PTPRN2: variants seen among roughly 807,000 people sequenced by gnomAD.
The protein encoded by PTPRN2 is receptor-type tyrosine-protein phosphatase N2.
PTPRN2 carries 74 observed loss-of-function variants against 118.8 expected under a neutral mutation model. The ratio of observed to expected loss-of-function variants is 0.62; its 90% CI spans 0.52 to 0.76. PTPRN2 has a LOEUF of 0.76. PTPRN2 is among the 30% of genes least tolerant of loss of function. The pLI is 0.00. For missense variants in PTPRN2, 1,481 were observed against 1,394.4 expected, an observed-to-expected ratio of 1.06 and a Z score of -0.99; for synonymous variants, 641 against 608.0, an observed-to-expected ratio of 1.05 and a Z score of -0.80.
rs140234725 is a variant in PTPRN2 at position 158,541,680 on chromosome 7, T to C, written c.112+45878A>G. 1.3e-3 allele frequency: 1,766 copies of C among 1,308,268 alleles called. 6 individuals are homozygous for C. The highest frequency in any genetic ancestry group is 1.7e-3 in the Non-Finnish European group (1,692 of 1,000,908). 81.0% of individuals were successfully genotyped at this position (1,308,268 alleles called of 1,614,324 possible). A position where few individuals can be genotyped will look rare whatever the true frequency, so the allele number is the denominator to read the frequency against. On this transcript the variant is annotated intron_variant, in intron 1 of 22. Coordinates refer to ENST00000389418, the MANE Select transcript of PTPRN2 (RefSeq NM_002847.5). ...CAAGGTACGAACGTTAGTTAATCTG[T>C]TGAAGACTTAGCTAAGTGAACTAAA...
At position 158,167,129 on chromosome 7, in the gene PTPRN2, C is replaced by T; in HGVS notation, c.712G>A (p.Asp238Asn). ...AGGGCCGCCATCAGATGGTGTCTGT[C>T]CACACCACTGTCCACCTTAGGGCTG... ...ELSPKVDSGV[D>N]RHHLMAALSA... Residue 238 changes from aspartate to asparagine, a missense_variant, in exon 6 of 23, where the codon GAC (aspartate) becomes AAC (asparagine). Physicochemically the swap from Asp to Asn is conservative, Grantham distance 23. Around this residue, in one of 3 missense-constraint regions of PTPRN2, gnomAD observed 1,115 missense variants for 994.2 expected, o/e 1.12. Coordinates refer to ENST00000389418, the MANE Select transcript of PTPRN2 (RefSeq NM_002847.5). 1 of 1,613,922 alleles carries T rather than the reference C, an allele frequency of 6.2e-7. No homozygotes were observed. The highest frequency in any genetic ancestry group is 8.5e-7 in the Non-Finnish European group (1 of 1,179,962).
rs148573714 is a variant in PTPRN2, at chr7:158,358,707, C to T, written c.164-41775G>A. ...GCTGCCTTTAGCGTTCGGCTGCAGC[C>T]GGGCACATGCTCCGATTGCACTGAT... On this transcript the variant is annotated intron_variant, in intron 2 of 22. Coordinates refer to ENST00000389418, the MANE Select transcript of PTPRN2 (RefSeq NM_002847.5). 2.8e-4 allele frequency among the ~76,000 whole-genome samples: 43 copies of T among 152,338 alleles called. No homozygotes were observed. In the East Asian group the frequency reaches 4.3e-3, roughly 15 times the overall value.
rs1442571432 is a variant in PTPRN2, at chr7:157,813,659, C to T, written c.1788+85014G>A. ...GGGGAGTCGCATTTCTTCCTCACTG[C>T]ATCGCTGTATTTTCCAGATGTCCAC... On this transcript the variant is annotated intron_variant, in intron 12 of 22. Coordinates refer to ENST00000389418, the MANE Select transcript of PTPRN2 (RefSeq NM_002847.5). The surrounding 1 kb of genome is among the most constrained non-coding windows in gnomAD (Gnocchi z 4.7). 1.3e-5 allele frequency among the ~76,000 whole-genome samples: 2 copies of T among 151,954 alleles called. No homozygotes were observed. The highest frequency in any genetic ancestry group is 2.9e-5 in the Non-Finnish European group (2 of 68,050).
chr7:158,403,249 C>A (rs1274589209), intron 2 of PTPRN2, among the ~76,000 whole-genome samples: 1 of 152,242 alleles, frequency 6.6e-6, no homozygotes, highest in Non-Finnish European at 1.5e-5. Context: ...TGCCAGCAGA[C>A]CCCTCACCAG....
At chr7:158,340,309 C>A (rs1488237062) in intron 2 of PTPRN2, among the ~76,000 whole-genome samples, 3 of 99,984 alleles carry the variant, frequency 3.0e-5, no homozygotes, top group East Asian at 3.0e-4. Context: ...TAGGAGCTGA[C>A]ACCCACAGAC....
intron 1 of PTPRN2, among the ~76,000 whole-genome samples, chr7:158,534,723 C>T (rs532192394): frequency 1.9e-4 from 29 of 152,302 alleles, no homozygotes; most frequent in African/African-American, 4.8e-4. Flanking sequence ...GCCATCTGCC[C>T]GGGCATGTTT....
At chr7:158,014,943 C>G (rs892738) in intron 11 of PTPRN2, among the ~76,000 whole-genome samples, 124,462 of 152,188 alleles carry the variant, frequency 0.82, 51,207 homozygotes, top group Non-Finnish European at 0.87. Flanking sequence ...TTGTTTTTAT[C>G]AAGTATTTTT....
In PTPRN2 at chr7:157,750,914, C is replaced by T. The variant is rs141855105; in HGVS notation, c.1789-67977G>A. On this transcript the variant is annotated intron_variant, in intron 12 of 22. Coordinates refer to ENST00000389418, the MANE Select transcript of PTPRN2 (RefSeq NM_002847.5). Reference sequence around the variant, plus strand: ...CTGGGGTGGGCCAGCTCGGCACCATCGGCCGATCTTCCTGGACGAGCCAGG... The same window carrying T: ...CTGGGGTGGGCCAGCTCGGCACCATTGGCCGATCTTCCTGGACGAGCCAGG... Among the ~76,000 whole-genome samples, 26 of 152,352 alleles carry T rather than the reference C, an allele frequency of 1.7e-4. No homozygotes were observed. The East Asian group carries it at 4.4e-3, about 26-fold the overall frequency.
chr7:158,522,152 C>T lies in PTPRN2; in HGVS notation c.113-32367G>A, dbSNP rs376329118. Among the ~76,000 whole-genome samples, 230 of 68,790 alleles carry T rather than the reference C, an allele frequency of 3.3e-3. 2 individuals carry two copies. Among genetic ancestry groups the T allele is most frequent in the Non-Finnish European group, 3.8e-3 (139 of 36,762 alleles). 45.1% of individuals were successfully genotyped at this position (68,790 alleles called of 152,430 possible). ...GGTGCTGGCTCAGGAGGGAGGTCCA[C>T]GTCACAATGGTGGACTGTCCGGGTA... On this transcript the variant is annotated intron_variant, in intron 1 of 22. Coordinates refer to ENST00000389418, the MANE Select transcript of PTPRN2 (RefSeq NM_002847.5).
At chr7:158,457,405 C>T (rs909103551) in intron 2 of PTPRN2, among the ~76,000 whole-genome samples, 5 of 152,256 alleles carry the variant, frequency 3.3e-5, no homozygotes, top group Admixed American at 2.0e-4. Context: ...GATAAGCAGA[C>T]ACCACTAGCC....
intron 11 of PTPRN2, among the ~76,000 whole-genome samples, chr7:157,916,079 A>G (rs1201173597): frequency 6.6e-6 from 1 of 152,276 alleles, no homozygotes; most frequent in Non-Finnish European, 1.5e-5. Flanking sequence ...AGATGTGTAT[A>G]TAAAATTGCT....
chr7:157,694,967 AAATAT>A (rs1202824310), intron 12 of PTPRN2, among the ~76,000 whole-genome samples: 34 of 152,294 alleles, frequency 2.2e-4, no homozygotes, highest in Admixed American at 1.8e-3. Context: ...GATGAATAAA[AAATAT>A]AATATATGTA....
intron 2 of PTPRN2, among the ~76,000 whole-genome samples, chr7:158,356,008 A>G (rs1808359787): frequency 6.6e-6 from 1 of 152,218 alleles, no homozygotes; most frequent in South Asian, 2.1e-4. Context: ...GCCCTCAATC[A>G]AAGCTTTTTT....
chr7:158,146,894 T>A (rs1317789732), intron 6 of PTPRN2, among the ~76,000 whole-genome samples: 1 of 151,678 alleles, frequency 6.6e-6, no homozygotes, highest in African/African-American at 2.4e-5. Flanking sequence ...AATACACCAT[T>A]AAGATCCTGT....
chr7:157,984,646 C>A (rs1330170019), intron 11 of PTPRN2, among the ~76,000 whole-genome samples: 7 of 152,132 alleles, frequency 4.6e-5, no homozygotes, highest in Non-Finnish European at 1.0e-4. Flanking sequence ...CTCAGTCCTG[C>A]TCTCTGACAC....
chr7:158,095,032 G>A (rs533848510), intron 10 of PTPRN2, among the ~76,000 whole-genome samples: 9 of 152,272 alleles, frequency 5.9e-5, no homozygotes, highest in African/African-American at 1.9e-4. Flanking sequence ...TCCGTGGTGG[G>A]AGGAGCCGCT....
intron 12 of PTPRN2, among the ~76,000 whole-genome samples, chr7:157,748,371 GCTGCCTGGGTGATT>G (rs1801163461): frequency 1.3e-5 from 2 of 150,034 alleles, no homozygotes; most frequent in Admixed American, 6.6e-5. Context: ...TGAGCTGTGA[GCTGCCTGGGTGATT>G]TTGAGGCCTG....
intron 12 of PTPRN2, among the ~76,000 whole-genome samples, chr7:157,878,030 G>A (rs762474781): frequency 1.4e-4 from 21 of 152,244 alleles, no homozygotes; most frequent in Admixed American, 5.9e-4. Flanking sequence ...AAGGCTACTT[G>A]GCGGTGTTCC....
intron 13 of PTPRN2, among the ~76,000 whole-genome samples, chr7:157,662,318 A>G (rs541718005): frequency 6.6e-6 from 1 of 152,320 alleles, no homozygotes; most frequent in East Asian, 1.9e-4. Flanking sequence ...TAGTTTATTC[A>G]AAATCAGGTT....
Sources: gnomAD v4.1 joint callset for allele counts (sites outside exome capture counted in the v4.1 genomes callset) on GRCh38, gnomAD v4.1.1 for gene constraint, gnomAD v4.1.1 regional missense constraint, Gnocchi (gnomAD v3.1) non-coding constraint, MANE v1.5 for transcripts, NCBI Gene and HGNC (gene_info 2026-07-23, HGNC 2026-07-21) for gene names.